MFAP1: variants seen among roughly 807,000 people sequenced by gnomAD.
The protein encoded by MFAP1 is microfibrillar-associated protein 1.
A neutral mutation model predicts 62.2 loss-of-function variants in MFAP1; 18 were observed. The observed-to-expected ratio is 0.29, with a 90% CI of 0.20 to 0.43. The LOEUF is 0.43. MFAP1 is among the 20% of genes least tolerant of loss of function. The probability of loss-of-function intolerance (pLI) is 1.00; values close to 1 mark genes in which losing one functional copy is unlikely to be tolerated. For missense variants in MFAP1, 355 were observed against 559.7 expected (o/e 0.63, Z 3.69); for synonymous variants, 175 against 180.4 (o/e 0.97, Z 0.24).
intron 1 of MFAP1, among the ~76,000 whole-genome samples, chr15:43,821,121 C>A (rs190035717): frequency 3.2e-4 from 49 of 152,044 alleles, no homozygotes; most frequent in Admixed American, 5.2e-4. Flanking sequence ...GTTGCCCAGG[C>A]TGAAGAAAAT....
chr15:43,817,918 C>T (rs1316824884), intron 1 of MFAP1, among the ~76,000 whole-genome samples: 1 of 152,124 alleles, frequency 6.6e-6, no homozygotes, highest in Non-Finnish European at 1.5e-5. Context: ...CATACTGCCA[C>T]ATGACTCAAT....
rs377339733 is a variant in MFAP1, at chr15:43,805,303, T to C, written c.1138-27A>G. 4 of 1,600,082 alleles carry C rather than the reference T, an allele frequency of 2.5e-6. No homozygotes were observed. In the African/African-American group the frequency reaches 4.0e-5, roughly 16 times the overall value. The stretch of plus-strand genomic sequence containing the variant: ...TGAGGGAAGGATGGATGATGAGTTA[T>C]ACCACCAAACAAACCATGCCTCAGC... On this transcript the variant is annotated intron_variant, in intron 8 of 8. Transcript: ENST00000267812.
At chr15:43,819,876 G>A (rs1387694866) in intron 1 of MFAP1, among the ~76,000 whole-genome samples, 1 of 152,196 alleles carries the variant, frequency 6.6e-6, no homozygotes, top group Non-Finnish European at 1.5e-5. Context: ...AGCTGGGTGT[G>A]GTGGCTCACG....
chr15:43,812,852 T>C (rs1004609451), intron 6 of MFAP1, 135 bp downstream of exon 6: 3 of 1,043,118 alleles, frequency 2.9e-6, no homozygotes, highest in Admixed American at 2.4e-5. Context: ...ATTCCAATTA[T>C]AGGAAACTCA....
rs1014729782 is a variant in MFAP1, at chr15:43,805,079, A to G, written c.*15T>C. ...CCCCTTGTGTTCCACAGTTGGAAGAATAAGCAGTTGGACCCTAGGTAGTTT... is the reference window on the plus strand; with the variant it reads ...CCCCTTGTGTTCCACAGTTGGAAGAGTAAGCAGTTGGACCCTAGGTAGTTT... On this transcript the variant is annotated 3_prime_UTR_variant, in exon 9 of 9. Coordinates refer to ENST00000267812, the MANE Select transcript of MFAP1 (RefSeq NM_005926.3). 3.2e-6 allele frequency: 5 copies of G among 1,557,806 alleles called. No homozygotes were observed. The African/African-American group carries it at 6.8e-5, about 21-fold the overall frequency.
chr15:43,818,737 A>C (rs2087450039), intron 1 of MFAP1, among the ~76,000 whole-genome samples: 1 of 151,978 alleles, frequency 6.6e-6, no homozygotes, highest in African/African-American at 2.4e-5. Flanking sequence ...AACAAAAAAA[A>C]TTACCCGGAC....
intron 7 of MFAP1, among the ~76,000 whole-genome samples, chr15:43,807,060 A>G (rs2087370372): frequency 6.6e-6 from 1 of 150,454 alleles, no homozygotes; most frequent in Non-Finnish European, 1.5e-5. Context: ...CAAAAAGTCT[A>G]TACATCTTGG....
chr15:43,822,994 A>G (rs935960526), intron 1 of MFAP1, among the ~76,000 whole-genome samples: 12 of 150,836 alleles, frequency 8.0e-5, no homozygotes, highest in Middle Eastern at 3.4e-3. Flanking sequence ...GCCTGCCACC[A>G]CACCTGGCTA....
At chr15:43,810,013 C>A in intron 6 of MFAP1, 99 bp from the exon 7 acceptor site, 1 of 1,405,666 alleles carries the variant, frequency 7.1e-7, no homozygotes, top group Non-Finnish European at 9.8e-7. Context: ...GTATTAGTCA[C>A]CTTCTTTAAT....
intron 1 of MFAP1, among the ~76,000 whole-genome samples, chr15:43,822,983 C>T (rs1410687721): frequency 3.3e-5 from 5 of 151,024 alleles, no homozygotes; most frequent in African/African-American, 7.3e-5. Context: ...GGATTACAGG[C>T]GCCTGCCACC....
chr15:43,822,605 C>T lies in MFAP1; in HGVS notation c.79+1886G>A, dbSNP rs538181556. Among the ~76,000 whole-genome samples, 322 of 152,152 alleles carry T rather than the reference C, an allele frequency of 2.1e-3. 2 individuals are homozygous for T. The highest frequency in any genetic ancestry group is 7.3e-3 in the African/African-American group (302 of 41,514). On this transcript the variant is annotated intron_variant, in intron 1 of 8. Coordinates refer to ENST00000267812, the MANE Select transcript of MFAP1 (RefSeq NM_005926.3). ...GCCAGGCTGGTCTCAAACTCCTGAC[C>T]TCAGGTGATCCACCCATCTCGGCCT...
chr15:43,814,037 T>C (rs187964105), intron 4 of MFAP1, among the ~76,000 whole-genome samples: 5 of 152,170 alleles, frequency 3.3e-5, no homozygotes, highest in African/African-American at 9.6e-5. Context: ...ACGGATCACC[T>C]GAGGTTGGGA....
intron 1 of MFAP1, among the ~76,000 whole-genome samples, chr15:43,822,555 G>A (rs1244391893): frequency 6.6e-6 from 1 of 151,876 alleles, no homozygotes; most frequent in Non-Finnish European, 1.5e-5. Flanking sequence ...TGTATTTTTA[G>A]TAGAGACGGG....
At chr15:43,810,674 A>C (rs1034071931) in intron 6 of MFAP1, among the ~76,000 whole-genome samples, 4 of 151,184 alleles carry the variant, frequency 2.6e-5, no homozygotes, top group Non-Finnish European at 5.9e-5. Flanking sequence ...GCCAGATTGC[A>C]GTAACTTTTT....
chr15:43,805,308 CCAAA>C (rs775505467), intron 8 of MFAP1, 32 bp from the exon 9 acceptor site: 9 of 1,599,068 alleles, frequency 5.6e-6, no homozygotes, highest in South Asian at 5.6e-5. Flanking sequence ...AGTTATACCA[CCAAA>C]CAAACCATGC....
At chr15:43,812,888 G>C (rs1418925595) in intron 6 of MFAP1, 99 bp downstream of exon 6, 1 of 1,356,296 alleles carries the variant, frequency 7.4e-7, no homozygotes, top group East Asian at 2.3e-5. Flanking sequence ...TCTGAAGGTG[G>C]CTAGAATGGA....
rs909478594 is a variant in MFAP1, at chr15:43,814,654, C to T, written c.464G>A (p.Arg155Gln). The change falls in exon 4 of 9, where the codon CGA becomes CAA. Residue 155 changes from arginine to glutamine, a missense_variant. Arg to Gln is a conservative substitution (Grantham distance 43). This residue lies in a region of MFAP1 where 257 missense variants were observed against 341.3 expected (regional missense o/e 0.75). Transcript: ENST00000267812. ...IERRRGMMRQRAQERKNEEME... is the reference protein window; with the variant it reads ...IERRRGMMRQQAQERKNEEME... ...CTCTTCATTTTTTCTCTCCTGTGCT[C>T]GCTGACGCATCATGCCACGCCGCCG... 3 of 1,613,954 alleles carry T rather than the reference C, an allele frequency of 1.9e-6. No homozygotes were observed. The highest frequency in any genetic ancestry group is 2.5e-6 in the Non-Finnish European group (3 of 1,180,032).
At chr15:43,807,835 T>TA (rs2087375696) in intron 7 of MFAP1, among the ~76,000 whole-genome samples, 1 of 152,166 alleles carries the variant, frequency 6.6e-6, no homozygotes, top group Non-Finnish European at 1.5e-5. Flanking sequence ...CACTAAAGCT[T>TA]ACTTACTCAA....
chr15:43,805,472 A>T lies in MFAP1; in HGVS notation c.1048-7T>A, dbSNP rs781207834. The T allele has an allele frequency of 3.8e-6, 6 of 1,593,220 alleles. No homozygotes were observed. In the African/African-American group the frequency reaches 4.1e-5, roughly 11 times the overall value. ...ATACTTCTTCATCCTCATCCTGTATAAAAAAAATCTTATCAATCTTGTGGC... is the reference window on the plus strand; with the variant it reads ...ATACTTCTTCATCCTCATCCTGTATTAAAAAAATCTTATCAATCTTGTGGC... On this transcript the variant is annotated splice_polypyrimidine_tract_variant and splice_region_variant and intron_variant, in intron 7 of 8. Transcript: ENST00000267812.
Sources: gnomAD v4.1 joint callset for allele counts (sites outside exome capture counted in the v4.1 genomes callset) on GRCh38, gnomAD v4.1.1 for gene constraint, gnomAD v4.1.1 regional missense constraint, MANE v1.5 for transcripts, NCBI Gene and HGNC (gene_info 2026-07-23, HGNC 2026-07-21) for gene names.